C4orf36: variants seen among roughly 807,000 people sequenced by gnomAD.
The protein encoded by C4orf36 is chromosome 4 open reading frame 36.
Under a neutral mutation model 12.2 loss-of-function variants are expected in C4orf36, and 11 were observed. That is an observed-to-expected ratio of 0.90 (90% CI 0.57 to 1.49). C4orf36 has a LOEUF of 1.49. C4orf36 is among the 40% of genes most tolerant of loss of function. The pLI is 0.00. For missense variants in C4orf36, 137 were observed against 133.9 expected, an observed-to-expected ratio of 1.02 and a Z score of -0.11; for synonymous variants, 54 against 51.3, an observed-to-expected ratio of 1.05 and a Z score of -0.22.
the C4orf36 span, among the ~76,000 whole-genome samples, chr4:86,934,043 TAAAAAGAG>T: frequency 6.6e-6 from 1 of 152,128 alleles, no homozygotes; most frequent in Middle Eastern, 3.2e-3. Flanking sequence ...CAAACAAAAT[TAAAAAGAG>T]AAAAGGCAGA....
At chr4:86,907,852 C>T in the C4orf36 span, among the ~76,000 whole-genome samples, 1 of 151,616 alleles carries the variant, frequency 6.6e-6, no homozygotes, top group Non-Finnish European at 1.5e-5. Context: ...GCCTGTAATC[C>T]CAGCTGCTCA....
chr4:86,885,606 G>A (rs370229950), intron 4 of C4orf36, among the ~76,000 whole-genome samples: 6 of 152,092 alleles, frequency 3.9e-5, no homozygotes, highest in African/African-American at 1.4e-4. Flanking sequence ...GGGCTGAGAC[G>A]GTGGGGTTTT....
chr4:86,876,742 T>C, intron 4 of C4orf36: 2 of 1,517,462 alleles, frequency 1.3e-6, no homozygotes, highest in Non-Finnish European at 1.8e-6. Flanking sequence ...CTCTGGCTGT[T>C]GCATCCAAGT....
chr4:86,879,868 T>G (rs1409959709), intron 4 of C4orf36, among the ~76,000 whole-genome samples: 2 of 122,418 alleles, frequency 1.6e-5, no homozygotes, highest in African/African-American at 3.1e-5. Flanking sequence ...TTTTTTTTTT[T>G]GAGATAGGAT....
the C4orf36 span, among the ~76,000 whole-genome samples, chr4:86,920,103 G>A: frequency 1.3e-5 from 2 of 152,172 alleles, no homozygotes; most frequent in African/African-American, 4.8e-5. Context: ...CTTCTGTAAA[G>A]TCTAGGGCAT....
chr4:86,934,828 C>T, the C4orf36 span: 2 of 152,252 alleles, frequency 1.3e-5, no homozygotes, highest in East Asian at 3.9e-4. Context: ...GCCGCTCCCC[C>T]ACGATCCTCC....
upstream of C4orf36, among the ~76,000 whole-genome samples, chr4:86,892,663 G>T (rs151025638): frequency 6.6e-6 from 1 of 152,338 alleles, no homozygotes; most frequent in East Asian, 1.9e-4. Context: ...TCTGGACTTC[G>T]TTTGCGGGCG....
chr4:86,892,668 C>G (rs10015121), upstream of C4orf36, among the ~76,000 whole-genome samples: 58,014 of 152,110 alleles, frequency 0.38, 11,990 homozygotes, highest in Non-Finnish European at 0.45. Context: ...ACTTCGTTTG[C>G]GGGCGCCATT....
chr4:86,892,249 G>T lies in C4orf36; in HGVS notation c.-140C>A, dbSNP rs915642134. 5 of 985,764 alleles carry T rather than the reference G, an allele frequency of 5.1e-6. No homozygotes were observed. Among genetic ancestry groups the T allele is most frequent in the African/African-American group, 1.7e-5 (1 of 57,264 alleles). The allele number at this position is 985,764 out of a possible 1,614,324, so 61.1% of individuals were successfully genotyped here. ...GTGCGCGGGGCTTCCAGGGTGGCGG[G>T]TCCCCGCGAGCCGGCGCCGGCGGCC... is the stretch of plus-strand genomic sequence containing the variant. On this transcript the variant is annotated 5_prime_UTR_variant, in exon 1 of 5. Coordinates refer to ENST00000295898, the MANE Select transcript of C4orf36 (RefSeq NM_144645.4).
rs1747241571 is a variant in C4orf36, at chr4:86,887,898, A to G, written c.221-5T>C. On this transcript the variant is annotated splice_region_variant and splice_polypyrimidine_tract_variant and intron_variant, in intron 3 of 4. Coordinates refer to ENST00000295898, the MANE Select transcript of C4orf36 (RefSeq NM_144645.4). The stretch of plus-strand genomic sequence containing the variant: ...ACTCCCTTTCGAGTTTGATAGCTGA[A>G]AAAGAAAATACACAAAACAATCTGA... 1 of 1,613,828 alleles carries G rather than the reference A, an allele frequency of 6.2e-7. No homozygotes were observed. The highest frequency in any genetic ancestry group is 8.5e-7 in the Non-Finnish European group (1 of 1,179,986).
At chr4:86,927,865 G>A in the C4orf36 span, among the ~76,000 whole-genome samples, 41 of 152,198 alleles carry the variant, frequency 2.7e-4, no homozygotes, top group African/African-American at 9.4e-4. Flanking sequence ...AATTCCCTTT[G>A]CAATTGCCAC....
At chr4:86,907,488 C>T in the C4orf36 span, among the ~76,000 whole-genome samples, 2 of 152,234 alleles carry the variant, frequency 1.3e-5, no homozygotes, top group Admixed American at 6.5e-5. Context: ...TACACATGAA[C>T]CCCTGAACTT....
At chr4:86,889,967 G>A (rs537099125) in intron 2 of C4orf36, 1 of 427,404 alleles carries the variant, frequency 2.3e-6, no homozygotes, top group African/African-American at 2.0e-5. Context: ...GACCAAGGTG[G>A]ATCACTTGAG....
chr4:86,922,029 G>C, the C4orf36 span, among the ~76,000 whole-genome samples: 2 of 152,130 alleles, frequency 1.3e-5, no homozygotes, highest in African/African-American at 2.4e-5. Context: ...TGTGTGATAG[G>C]TTTTATTTAC....
chr4:86,877,925 T>G (rs1335188600), intron 4 of C4orf36, among the ~76,000 whole-genome samples: 1 of 152,136 alleles, frequency 6.6e-6, no homozygotes, highest in Non-Finnish European at 1.5e-5. Context: ...AACCCAATGG[T>G]GGGAACTGGG....
At chr4:86,882,087 G>C (rs775594518) in intron 4 of C4orf36, among the ~76,000 whole-genome samples, 2 of 152,120 alleles carry the variant, frequency 1.3e-5, no homozygotes, top group Admixed American at 6.6e-5. Context: ...TTCAAGAGAG[G>C]GAGAGACATA....
chr4:86,898,552 A>G, the C4orf36 span, among the ~76,000 whole-genome samples: 5 of 152,142 alleles, frequency 3.3e-5, no homozygotes, highest in Admixed American at 3.3e-4. Flanking sequence ...ATAAATAATT[A>G]AAAGAATAAA....
the C4orf36 span, chr4:86,933,600 A>G: frequency 6.6e-6 from 1 of 152,238 alleles, no homozygotes; most frequent in Non-Finnish European, 1.5e-5. Context: ...AGAAGTGGTA[A>G]AAGTTTTCAG....
the C4orf36 span, among the ~76,000 whole-genome samples, chr4:86,907,748 G>T: frequency 4.1e-3 from 627 of 152,072 alleles, 6 homozygotes; most frequent in African/African-American, 0.015. Context: ...AGGCCAAGGC[G>T]GGTGGATCAC....
Sources: gnomAD v4.1 joint callset for allele counts (sites outside exome capture counted in the v4.1 genomes callset) on GRCh38, gnomAD v4.1.1 for gene constraint, MANE v1.5 for transcripts, NCBI Gene and HGNC (gene_info 2026-07-23, HGNC 2026-07-21) for gene names.